The following GRID2 variants were observed in gnomAD, a reference collection of about 807,000 sequenced individuals.
GRID2 encodes the protein glutamate ionotropic receptor delta type subunit 2, also known as glutamate receptor ionotropic, delta-2.
In GRID2, 33 loss-of-function variants were observed where a neutral mutation model predicts 114.8. The ratio of observed to expected loss-of-function variants is 0.29; its 90% CI spans 0.22 to 0.38. The LOEUF is 0.38. Among genes scored for constraint, GRID2 ranks in the 10% least tolerant of loss-of-function variants. GRID2 has a pLI of 1.00. For missense variants in GRID2, 1,184 were observed against 1,257.7 expected (o/e 0.94, Z 0.89); for synonymous variants, 505 against 449.9 (o/e 1.12, Z -1.55).
intron 14 of GRID2, among the ~76,000 whole-genome samples, chr4:93,708,361 T>C (rs1196893956): frequency 2.0e-5 from 3 of 152,016 alleles, no homozygotes; most frequent in Non-Finnish European, 1.5e-5. Flanking sequence ...ATATTTGCTT[T>C]ATTTACCTGT....
chr4:92,752,336 T>G (rs1387177336), intron 2 of GRID2, among the ~76,000 whole-genome samples: 1 of 152,176 alleles, frequency 6.6e-6, no homozygotes, highest in Admixed American at 6.5e-5. Flanking sequence ...ATACAAGAGA[T>G]GAACACAGTA....
At chr4:93,287,181 T>C (rs1011513313) in intron 8 of GRID2, among the ~76,000 whole-genome samples, 2 of 152,150 alleles carry the variant, frequency 1.3e-5, no homozygotes, top group Non-Finnish European at 2.9e-5. Context: ...GATTACCCTA[T>C]TGGGAAAAAA....
intron 4 of GRID2, among the ~76,000 whole-genome samples, chr4:93,190,717 T>G (rs961170031): frequency 2.0e-5 from 3 of 152,138 alleles, no homozygotes; most frequent in African/African-American, 7.2e-5. Flanking sequence ...CTACGCTATT[T>G]CCTAGCTTTA....
intron 8 of GRID2, among the ~76,000 whole-genome samples, chr4:93,350,547 A>C (rs111685183): frequency 3.3e-5 from 5 of 152,100 alleles, no homozygotes; most frequent in African/African-American, 1.2e-4. Flanking sequence ...AAAAAGCTTG[A>C]GAAGTAGATA....
intron 14 of GRID2, among the ~76,000 whole-genome samples, chr4:93,635,654 A>G (rs114731097): frequency 0.01 from 1,560 of 152,164 alleles, 17 homozygotes; most frequent in Middle Eastern, 0.044. Context: ...GCTTTTGTCT[A>G]TCATTCTTTT....
chr4:93,046,860 A>C (rs1459396441), intron 2 of GRID2, among the ~76,000 whole-genome samples: 1 of 151,932 alleles, frequency 6.6e-6, no homozygotes, highest in Non-Finnish European at 1.5e-5. Context: ...AATGAATAAT[A>C]AACAGGAAAG....
chr4:92,828,718 A>G (rs965030937), intron 2 of GRID2, among the ~76,000 whole-genome samples: 2 of 152,060 alleles, frequency 1.3e-5, no homozygotes, highest in Non-Finnish European at 2.9e-5. Context: ...GGTAATGTTA[A>G]TCAACACTGA....
chr4:92,612,259 A>G (rs1729791778), intron 2 of GRID2, among the ~76,000 whole-genome samples: 1 of 151,500 alleles, frequency 6.6e-6, no homozygotes, highest in South Asian at 2.1e-4. Context: ...TTTTGTTGAT[A>G]GTATGTTGAC....
intron 14 of GRID2, among the ~76,000 whole-genome samples, chr4:93,702,781 T>C (rs1005644541): frequency 6.6e-6 from 1 of 152,140 alleles, no homozygotes; most frequent in Non-Finnish European, 1.5e-5. Context: ...TAGAAGGGGA[T>C]GTATAGCAGT....
intron 1 of GRID2, among the ~76,000 whole-genome samples, chr4:92,416,489 C>T (rs1731622951): frequency 6.6e-6 from 1 of 152,120 alleles, no homozygotes; most frequent in Non-Finnish European, 1.5e-5. Flanking sequence ...AAGCCAATGT[C>T]TAGAAGAGCT....
At chr4:93,427,541 A>G (rs1174290929) in intron 10 of GRID2, among the ~76,000 whole-genome samples, 1 of 152,046 alleles carries the variant, frequency 6.6e-6, no homozygotes, top group African/African-American at 2.4e-5. Flanking sequence ...TTATGCACGT[A>G]CCATCACATT....
chr4:92,767,845 G>A (rs912736412), intron 2 of GRID2, among the ~76,000 whole-genome samples: 6 of 151,340 alleles, frequency 4.0e-5, no homozygotes, highest in Non-Finnish European at 2.9e-5. Context: ...TTTCAAGGCT[G>A]TAGTTGGCTA....
chr4:92,326,822 C>T (rs1402158616), intron 1 of GRID2, among the ~76,000 whole-genome samples: 5 of 151,862 alleles, frequency 3.3e-5, no homozygotes, highest in African/African-American at 7.2e-5. Context: ...TAATACTGTC[C>T]GATATCTGTG....
chr4:93,686,629 C>A (rs79541668), intron 14 of GRID2, among the ~76,000 whole-genome samples: 6,253 of 151,986 alleles, frequency 0.041, 196 homozygotes, highest in African/African-American at 0.081. Flanking sequence ...AATTTTAAAA[C>A]GGACAGTTAG....
At chr4:93,575,330 GTCT>G (rs1736317770) in intron 13 of GRID2, among the ~76,000 whole-genome samples, 1 of 152,100 alleles carries the variant, frequency 6.6e-6, no homozygotes, top group African/African-American at 2.4e-5. Flanking sequence ...TGCCTCCATA[GTCT>G]TCTTCATTGG....
intron 13 of GRID2, among the ~76,000 whole-genome samples, chr4:93,551,562 G>A (rs1733755325): frequency 6.6e-6 from 1 of 152,190 alleles, no homozygotes; most frequent in African/African-American, 2.4e-5. Context: ...GGGGCCATAT[G>A]ATGTAGTGTT....
chr4:93,751,355 A>G (rs995069531), intron 14 of GRID2, among the ~76,000 whole-genome samples: 5 of 152,142 alleles, frequency 3.3e-5, no homozygotes, highest in African/African-American at 1.2e-4. Context: ...GGTGAGAATG[A>G]GACTCTATAA....
At chr4:92,661,611 C>T (rs1180841530) in intron 2 of GRID2, among the ~76,000 whole-genome samples, 1 of 150,698 alleles carries the variant, frequency 6.6e-6, no homozygotes, top group Non-Finnish European at 1.5e-5. Context: ...TATATTTGCT[C>T]CTTCAATTTA....
At chr4:92,839,482 T>TTGTTTTTAAAATTAA (rs1380041812) in intron 2 of GRID2, among the ~76,000 whole-genome samples, 3 of 142,980 alleles carry the variant, frequency 2.1e-5, no homozygotes, top group Non-Finnish European at 4.5e-5. Flanking sequence ...CGTGTTCTCA[T>TTGTTTTTAAAATTAA]TGTTTTTAAA....
Sources: gnomAD v4.1 joint callset for allele counts (sites outside exome capture counted in the v4.1 genomes callset) on GRCh38, gnomAD v4.1.1 for gene constraint, MANE v1.5 for transcripts, NCBI Gene and HGNC (gene_info 2026-07-23, HGNC 2026-07-21) for gene names.